The following VRTN variants were observed in gnomAD, a reference collection of about 807,000 sequenced individuals.
VRTN encodes the protein vertnin.
Under a neutral mutation model 18.2 loss-of-function variants are expected in VRTN, and 5 were observed. The observed-to-expected ratio is 0.27, with a 90% CI of 0.14 to 0.58. VRTN has a LOEUF of 0.58. VRTN is among the 20% of genes least tolerant of loss of function. The pLI is 0.91. For missense variants in VRTN, 741 were observed against 939.4 expected (o/e 0.79, Z 2.76); for synonymous variants, 381 against 393.7 (o/e 0.97, Z 0.38).
chr14:74,320,563 C>CTTTTTT lies in VRTN; in HGVS notation c.-163-17124_-163-17119dup, dbSNP rs35884901. Among the ~76,000 whole-genome samples, 11 of 45,028 alleles carry CTTTTTT rather than the reference C, an allele frequency of 2.4e-4. 2 individuals are homozygous for CTTTTTT. The highest frequency in any genetic ancestry group is 4.9e-4 in the Non-Finnish European group (11 of 22,412). The allele number at this position is 45,028 out of a possible 152,430, so 29.5% of individuals were successfully genotyped here. On this transcript the variant is annotated intron_variant, in intron 1 of 2. Transcript: ENST00000557177. ...AGACTTGAGCCACTGCGCCCGGCCTCTTTTTTTTTTTTTTTTTTTTTTTTT... is the reference window on the plus strand; with the variant it reads ...AGACTTGAGCCACTGCGCCCGGCCTCTTTTTTTTTTTTTTTTTTTTTTTTTTTTTTT...
upstream of VRTN, among the ~76,000 whole-genome samples, chr14:74,345,648 G>C (rs1169928196): frequency 6.6e-6 from 1 of 152,010 alleles, no homozygotes; most frequent in Non-Finnish European, 1.5e-5. Flanking sequence ...CCTTGGCCAG[G>C]CATGGTCGCT....
intron 1 of VRTN, among the ~76,000 whole-genome samples, chr14:74,316,637 C>A (rs962786731): frequency 7.6e-6 from 1 of 131,200 alleles, no homozygotes; most frequent in Admixed American, 7.8e-5. Flanking sequence ...AGGGATTATT[C>A]TTTTTTTTTT....
rs529639741 is a variant in VRTN, at chr14:74,357,795, C to T, written c.1012C>T (p.Arg338Trp). The T allele has an allele frequency of 9.3e-6, 15 of 1,613,056 alleles. No individual in the cohort carries two copies. In the East Asian group the frequency reaches 1.6e-4, roughly 17 times the overall value. Residue 338 changes from arginine (R) to tryptophan (W), a missense_variant, in exon 2 of 2, where the codon CGG becomes TGG. Transcript: ENST00000256362. The surrounding 1 kb of genome is among the most constrained non-coding windows in gnomAD (Gnocchi z 7.8). ...GVVPLQQFLQRFPEISRSTYY... is the reference protein window; with the variant it reads ...GVVPLQQFLQWFPEISRSTYY... ...CGTGCCACTTCAGCAGTTCCTCCAG[C>T]GGTTCCCGGAGATCTCCCGCTCAAC...
chr14:74,334,715 G>A (rs2085552222), intron 1 of VRTN, among the ~76,000 whole-genome samples: 1 of 152,078 alleles, frequency 6.6e-6, no homozygotes, highest in Non-Finnish European at 1.5e-5. Flanking sequence ...TATATTCTGT[G>A]CCTTGTAAAA....
At chr14:74,329,118 A>T (rs969593486) in intron 1 of VRTN, among the ~76,000 whole-genome samples, 9 of 151,966 alleles carry the variant, frequency 5.9e-5, no homozygotes, top group Non-Finnish European at 1.2e-4. Flanking sequence ...TAAAAAAAAA[A>T]TACAAAATTA....
At position 74,358,061 on chromosome 14, in the gene VRTN, C is replaced by T. The variant is rs764764757; in HGVS notation, c.1278C>T (p.Arg426=). 5.6e-6 allele frequency: 9 copies of T among 1,614,238 alleles called. No homozygotes were observed. The highest frequency in any genetic ancestry group is 2.2e-5 in the East Asian group (1 of 44,886). The change falls in exon 2 of 2, where the codon CGC becomes CGT. Residue 426 remains arginine, a synonymous_variant. Transcript: ENST00000256362. This position sits in a 1 kb window ranked among gnomAD's most constrained non-coding sequence, Gnocchi z 5.4. ...TGGTACCCTATCGCTGCTTCAAACG[C>T]AGGTTCCCTGGCATCTCACGGTCCA... ...NTLVPYRCFK[R]RFPGISRSTY...
At chr14:74,308,735 C>G (rs531711500) in intron 1 of VRTN, among the ~76,000 whole-genome samples, 1 of 152,120 alleles carries the variant, frequency 6.6e-6, no homozygotes, top group Non-Finnish European at 1.5e-5. Flanking sequence ...AAGCTACTCT[C>G]GAACTCCTAA....
chr14:74,354,060 C>T (rs574485479), intron 1 of VRTN, among the ~76,000 whole-genome samples: 2 of 152,096 alleles, frequency 1.3e-5, no homozygotes, highest in Non-Finnish European at 2.9e-5. Flanking sequence ...ACTATGGAGA[C>T]TTGGAAAAAT....
intron 1 of VRTN, among the ~76,000 whole-genome samples, chr14:74,316,085 G>A (rs1206569343): frequency 6.6e-6 from 1 of 152,190 alleles, no homozygotes; most frequent in Non-Finnish European, 1.5e-5. Flanking sequence ...AGCAGCTGGG[G>A]CAACAAGTCC....
Position 74,358,073 on chromosome 14 carries a change from C to T in VRTN, c.1290C>T (p.Gly430=). 6.2e-7 allele frequency: 1 copy of T among 1,614,232 alleles called. No individual in the cohort carries two copies. The highest frequency in any genetic ancestry group is 8.5e-7 in the Non-Finnish European group (1 of 1,180,028). Residue 430 remains glycine (G), a synonymous_variant, in exon 2 of 2, where the codon GGC becomes GGT. Transcript: ENST00000256362. The surrounding 1 kb of genome is among the most constrained non-coding windows in gnomAD (Gnocchi z 5.4). The part of the protein sequence containing the change: ...PYRCFKRRFP[G]ISRSTYYNWR... ...GCTGCTTCAAACGCAGGTTCCCTGG[C>T]ATCTCACGGTCCACTTATTATAATT...
chr14:74,322,232 C>T (rs554813277), intron 1 of VRTN, among the ~76,000 whole-genome samples: 6 of 151,938 alleles, frequency 3.9e-5, no homozygotes, highest in African/African-American at 1.4e-4. Context: ...ACTGTAACCT[C>T]TTGCCTCCTG....
rs2085768237 is a variant in VRTN at position 74,359,907 on chromosome 14, C to T, written c.*1015C>T. 1 of 167,128 alleles carries T rather than the reference C, an allele frequency of 6.0e-6. No homozygotes were observed. The highest frequency in any genetic ancestry group is 1.5e-5 in the Non-Finnish European group (1 of 68,158). The allele number at this position is 167,128 out of a possible 1,614,324, so 10.4% of individuals were successfully genotyped here. A position where few individuals can be genotyped will look rare whatever the true frequency, so the allele number is the denominator to read the frequency against. Reference sequence around the variant, plus strand: ...CTTCTCGGAGCTGGAGGCCCATCTTCAGTGAGAGATCACAAAGCGGCCAGG... The same window carrying T: ...CTTCTCGGAGCTGGAGGCCCATCTTTAGTGAGAGATCACAAAGCGGCCAGG... On this transcript the variant is annotated 3_prime_UTR_variant, in exon 2 of 2. Transcript: ENST00000256362.
At chr14:74,332,182 AGGACC>A (rs2085530386) in intron 1 of VRTN, among the ~76,000 whole-genome samples, 1 of 151,920 alleles carries the variant, frequency 6.6e-6, no homozygotes, top group Admixed American at 6.6e-5. Flanking sequence ...ATTTGCACAG[AGGACC>A]CCTCCCAAAC....
rs141348110 is a variant in VRTN, at chr14:74,357,803, G to C, written c.1020G>C (p.Pro340=). 6.2e-7 allele frequency: 1 copy of C among 1,613,104 alleles called. No individual in the cohort carries two copies. The highest frequency in any genetic ancestry group is 8.5e-7 in the Non-Finnish European group (1 of 1,180,022). ...TTCAGCAGTTCCTCCAGCGGTTCCC[G>C]GAGATCTCCCGCTCAACCTACTATG... is the stretch of plus-strand genomic sequence containing the variant. The part of the protein sequence containing the change: ...VPLQQFLQRF[P]EISRSTYYAW... The change falls in exon 2 of 2, where the codon CCG becomes CCC. Residue 340 remains proline, a synonymous_variant. Transcript: ENST00000256362. The surrounding 1 kb of genome is among the most constrained non-coding windows in gnomAD (Gnocchi z 7.8).
chr14:74,319,847 C>T (rs914967450), intron 1 of VRTN, among the ~76,000 whole-genome samples: 1 of 152,134 alleles, frequency 6.6e-6, no homozygotes, highest in African/African-American at 2.4e-5. Context: ...GGGAGTCCAA[C>T]ATCTAGTAGT....
At chr14:74,332,786 C>T (rs1291063860) in intron 1 of VRTN, among the ~76,000 whole-genome samples, 2 of 152,272 alleles carry the variant, frequency 1.3e-5, no homozygotes, top group South Asian at 2.1e-4. Context: ...TGAGCACCCA[C>T]TTGGACCCAG....
chr14:74,356,875 C>G lies in VRTN; in HGVS notation c.92C>G (p.Ser31Cys). 8 of 1,614,028 alleles carry G rather than the reference C, an allele frequency of 5.0e-6. No homozygotes were observed. Among genetic ancestry groups the G allele is most frequent in the Non-Finnish European group, 6.8e-6 (8 of 1,179,976 alleles). Residue 31 changes from serine (S) to cysteine (C), a missense_variant, in exon 2 of 2, where the codon TCC (serine) becomes TGC (cysteine). Coordinates refer to ENST00000256362, the MANE Select transcript of VRTN (RefSeq NM_018228.3). ...CEGLEGLIGA[S>C]LEAKQVLSSF... is the part of the protein sequence containing the mutation. ...GGCCTGGAGGGTCTCATAGGTGCTT[C>G]CTTGGAGGCCAAGCAGGTCCTGTCT...
Position 74,358,196 on chromosome 14 carries a change from T to G in VRTN, c.1413T>G (p.Ala471=). Residue 471 remains alanine, a synonymous_variant, in exon 2 of 2, where the codon GCT becomes GCG. Coordinates refer to ENST00000256362, the MANE Select transcript of VRTN (RefSeq NM_018228.3). This position sits in a 1 kb window ranked among gnomAD's most constrained non-coding sequence, Gnocchi z 5.4. Reference sequence around the variant, plus strand: ...AGCTAGCATCTGTTGGGGAAGGGGCTGTAATTCCTTGGAAGAGTGAGGCGG... The same window carrying G: ...AGCTAGCATCTGTTGGGGAAGGGGCGGTAATTCCTTGGAAGAGTGAGGCGG... ...TPQLASVGEG[A]VIPWKSEAEE... 6.2e-7 allele frequency: 1 copy of G among 1,613,554 alleles called. No individual in the cohort carries two copies. The highest frequency in any genetic ancestry group is 1.1e-5 in the South Asian group (1 of 91,082).
chr14:74,335,047 C>T lies in VRTN; in HGVS notation c.-163-2676C>T, dbSNP rs535986341. ...CTGTAATCCCAGCAGTTTGGGAGGC[C>T]GAGGCAGGTGGATCACTTGAGGTCA... On this transcript the variant is annotated intron_variant, in intron 1 of 2. Transcript: ENST00000557177. 1.3e-4 allele frequency among the ~76,000 whole-genome samples: 20 copies of T among 152,136 alleles called. 1 individual carries two copies. Among genetic ancestry groups the T allele is most frequent in the Non-Finnish European group, 2.6e-4 (18 of 67,984 alleles).
Sources: allele counts gnomAD v4.1 joint callset (sites outside exome capture counted in the v4.1 genomes callset), GRCh38; gene constraint gnomAD v4.1.1; non-coding constraint Gnocchi (gnomAD v3.1); transcripts MANE v1.5; gene names NCBI Gene and HGNC (gene_info 2026-07-23, HGNC 2026-07-21).